Variants in BDNF observed in about 807,000 individuals in gnomAD.
BDNF encodes the protein neurotrophic factor BDNF precursor form.
BDNF carries 1 observed loss-of-function variant against 19.5 expected under a neutral mutation model. The observed-to-expected ratio is 0.05, with a 90% CI of 0.02 to 0.24. The LOEUF (loss-of-function observed/expected upper bound fraction) is 0.24. Among genes scored for constraint, BDNF ranks in the 10% least tolerant of loss-of-function variants. The pLI, the probability that BDNF is intolerant of heterozygous loss-of-function variation, is 1.00. For synonymous variants in BDNF, 100 were observed against 121.6 expected (o/e 0.82, Z 1.17); for missense variants, 195 against 317.6 (o/e 0.61, Z 2.93).
intron 1 of BDNF, among the ~76,000 whole-genome samples, chr11:27,679,231 A>C (rs1380345224): frequency 1.3e-5 from 2 of 152,134 alleles, no homozygotes; most frequent in Non-Finnish European, 2.9e-5. Flanking sequence ...ATAATGGTCA[A>C]ATATAATGTC....
chr11:27,656,895 A>G lies in BDNF; in HGVS notation c.*926T>C, dbSNP rs1852625395. The G allele has an allele frequency of 1.1e-5, 11 of 985,294 alleles. No individual in the cohort carries two copies. The South Asian group carries it at 4.7e-4, about 42-fold the overall frequency. 61.0% of individuals were successfully genotyped at this position (985,294 alleles called of 1,614,324 possible). A position where few individuals can be genotyped will look rare whatever the true frequency, so the allele number is the denominator to read the frequency against. On this transcript the variant is annotated 3_prime_UTR_variant, in exon 2 of 2. Coordinates refer to ENST00000356660, the MANE Select transcript of BDNF (RefSeq NM_001709.5). ...CACTTGTTCACAGCAGTGGTAAAATATTTCAGAACGCGCAACTGATTTTTC... is the reference window on the plus strand; with the variant it reads ...CACTTGTTCACAGCAGTGGTAAAATGTTTCAGAACGCGCAACTGATTTTTC...
At chr11:27,701,662 C>A, upstream of BDNF, 2 of 978,744 alleles carry the variant, frequency 2.0e-6, no homozygotes, top group Non-Finnish European at 2.4e-6. Flanking sequence ...TCCACGGTGC[C>A]TTGACGTGCG....
At chr11:27,667,292 A>G (rs943851444) in intron 1 of BDNF, among the ~76,000 whole-genome samples, 4 of 152,176 alleles carry the variant, frequency 2.6e-5, no homozygotes, top group African/African-American at 7.2e-5. Flanking sequence ...AGGAACAACC[A>G]GTACCAGCCA....
intron 1 of BDNF, among the ~76,000 whole-genome samples, chr11:27,712,927 C>CT (rs112937534): frequency 2.3e-4 from 27 of 117,284 alleles, no homozygotes; most frequent in African/African-American, 6.3e-4. Context: ...TTCTTTCTTT[C>CT]TTTTTTTTTT....
upstream of BDNF, among the ~76,000 whole-genome samples, chr11:27,705,186 T>G (rs1051371758): frequency 6.6e-6 from 1 of 152,218 alleles, no homozygotes; most frequent in African/African-American, 2.4e-5. Flanking sequence ...TAAATTTGGT[T>G]TACTTGTTGT....
chr11:27,698,210 C>G (rs1859367974), intron 1 of BDNF: 1 of 97,800 alleles, frequency 1.0e-5, no homozygotes, highest in African/African-American at 3.3e-5. Context: ...TCCTGCTAAC[C>G]CAGAGGTAAA....
chr11:27,707,124 C>T (rs894723813), intron 1 of BDNF, among the ~76,000 whole-genome samples: 1 of 152,228 alleles, frequency 6.6e-6, no homozygotes, highest in Non-Finnish European at 1.5e-5. Context: ...ACTTTTGAAG[C>T]TTTACCTTTC....
At chr11:27,689,901 G>T (rs1199790326) in intron 1 of BDNF, among the ~76,000 whole-genome samples, 1 of 151,990 alleles carries the variant, frequency 6.6e-6, no homozygotes, top group African/African-American at 2.4e-5. Context: ...CCAGGCCCCA[G>T]TGTGTGTGGT....
chr11:27,711,872 C>T (rs1461117497), intron 1 of BDNF, among the ~76,000 whole-genome samples: 1 of 152,160 alleles, frequency 6.6e-6, no homozygotes, highest in African/African-American at 2.4e-5. Context: ...TTAGTGAGGT[C>T]AGAACAGGTA....
chr11:27,701,590 C>G (rs2134090917), upstream of BDNF: 2 of 986,706 alleles, frequency 2.0e-6, no homozygotes, highest in Middle Eastern at 5.2e-4. Flanking sequence ...CCGGGGGGAG[C>G]GGCAGCGAGA....
chr11:27,694,623 A>G (rs535831117), intron 1 of BDNF, among the ~76,000 whole-genome samples: 3 of 138,482 alleles, frequency 2.2e-5, no homozygotes, highest in South Asian at 4.5e-4. Flanking sequence ...GCTCAGATGT[A>G]TACCTTCATC....
At chr11:27,719,678 G>A in intron 1 of BDNF, 1 of 984,086 alleles carries the variant, frequency 1.0e-6, no homozygotes, top group Non-Finnish European at 1.2e-6. Flanking sequence ...CCAGCGAGGA[G>A]CGAGGGCGAC....
chr11:27,661,593 C>T (rs181956566), intron 1 of BDNF, among the ~76,000 whole-genome samples: 9 of 152,310 alleles, frequency 5.9e-5, no homozygotes, highest in Admixed American at 2.0e-4. Flanking sequence ...ATGACCACTT[C>T]CTGGGTAACC....
chr11:27,706,947 C>T (rs2134098883), intron 1 of BDNF, among the ~76,000 whole-genome samples: 1 of 152,236 alleles, frequency 6.6e-6, no homozygotes, highest in Non-Finnish European at 1.5e-5. Flanking sequence ...CACTGTTTTC[C>T]CCCTCAACAA....
chr11:27,701,656 C>G, upstream of BDNF: 3 of 981,950 alleles, frequency 3.1e-6, no homozygotes, highest in Non-Finnish European at 3.6e-6. Flanking sequence ...GAGGGCTCCA[C>G]GGTGCCTTGA....
Position 27,698,590 on chromosome 11 carries a change from C to T in BDNF, c.-22+1574G>A, listed in dbSNP as rs376255194. Reference sequence around the variant, plus strand: ...CAAACTCATATAAAAATAGATTTTTCCATAATAATAAAGGGGAGAGAGAGA... The same window carrying T: ...CAAACTCATATAAAAATAGATTTTTTCATAATAATAAAGGGGAGAGAGAGA... On this transcript the variant is annotated intron_variant, in intron 1 of 1. Coordinates refer to ENST00000356660, the MANE Select transcript of BDNF (RefSeq NM_001709.5). Among the ~76,000 whole-genome samples, 77 of 152,090 alleles carry T rather than the reference C, an allele frequency of 5.1e-4. 2 individuals are homozygous for T. In the South Asian group the frequency reaches 0.016, roughly 32 times the overall value.
intron 1 of BDNF, among the ~76,000 whole-genome samples, chr11:27,712,227 G>A (rs1229618455): frequency 6.6e-6 from 1 of 152,190 alleles, no homozygotes; most frequent in Non-Finnish European, 1.5e-5. Flanking sequence ...CAAGTGTTCT[G>A]TTGTTAAATA....
intron 1 of BDNF, among the ~76,000 whole-genome samples, chr11:27,717,916 G>A (rs1860576515): frequency 6.6e-6 from 1 of 151,394 alleles, no homozygotes; most frequent in African/African-American, 2.4e-5. Context: ...ACACTTTTGA[G>A]GTTTATTTAA....
intron 1 of BDNF, among the ~76,000 whole-genome samples, chr11:27,708,179 A>T (rs982794249): frequency 3.3e-5 from 5 of 152,228 alleles, no homozygotes; most frequent in African/African-American, 1.2e-4. Context: ...TTCCAAGTGT[A>T]AACAACTTAA....
Sources: gnomAD v4.1 joint callset for allele counts (sites outside exome capture counted in the v4.1 genomes callset) on GRCh38, gnomAD v4.1.1 for gene constraint, MANE v1.5 for transcripts, NCBI Gene and HGNC (gene_info 2026-07-23, HGNC 2026-07-21) for gene names.